Variants in RABGAP1L observed in about 807,000 individuals in gnomAD.
RABGAP1L encodes the protein RAB GTPase activating protein 1 like.
In RABGAP1L, 63 loss-of-function variants were observed where a neutral mutation model predicts 137.7. The ratio of observed to expected loss-of-function variants is 0.46; its 90% CI spans 0.37 to 0.56. RABGAP1L has a LOEUF of 0.56. Among genes scored for constraint, RABGAP1L ranks in the 20% least tolerant of loss-of-function variants. RABGAP1L has a pLI of 0.00. For synonymous variants in RABGAP1L, 431 were observed against 433.7 expected (o/e 0.99, Z 0.08); for missense variants, 1,095 against 1,244.0 (o/e 0.88, Z 1.80).
intron 21 of RABGAP1L, among the ~76,000 whole-genome samples, chr1:174,973,208 A>G (rs1222160723): frequency 6.6e-6 from 1 of 152,228 alleles, no homozygotes; most frequent in Non-Finnish European, 1.5e-5. Flanking sequence ...CAGATGTTGT[A>G]TATGGTAACA....
intron 13 of RABGAP1L, among the ~76,000 whole-genome samples, chr1:174,570,972 T>A (rs1230780803): frequency 6.6e-6 from 1 of 152,248 alleles, no homozygotes; most frequent in African/African-American, 2.4e-5. Flanking sequence ...TGCACTTCCA[T>A]GTTTGTTGCA....
chr1:174,833,866 A>G (rs1692445068), intron 19 of RABGAP1L, among the ~76,000 whole-genome samples: 1 of 152,152 alleles, frequency 6.6e-6, no homozygotes, highest in Non-Finnish European at 1.5e-5. Context: ...AAGCTAACTT[A>G]GATTGAGGAA....
intron 17 of RABGAP1L, among the ~76,000 whole-genome samples, chr1:174,717,138 A>G (rs1339347082): frequency 6.6e-6 from 1 of 152,184 alleles, no homozygotes; most frequent in Middle Eastern, 3.2e-3. Context: ...GGCCAGGTGC[A>G]GTGGCTCAGG....
rs1402072564 is a variant in RABGAP1L at position 174,663,353 on chromosome 1, A to G, written c.1825-20169A>G. Among the ~76,000 whole-genome samples the G allele has an allele frequency of 3.9e-5, 6 of 152,238 alleles. No individual in the cohort carries two copies. The East Asian group carries it at 9.6e-4, about 24-fold the overall frequency. Reference sequence around the variant, plus strand: ...ACATGGTTTCTTGTAGCAGCCCAGTAAAGAATTGCCTACTATTCAGTCCAT... The same window carrying G: ...ACATGGTTTCTTGTAGCAGCCCAGTGAAGAATTGCCTACTATTCAGTCCAT... On this transcript the variant is annotated intron_variant, in intron 14 of 25. Transcript: ENST00000681986.
intron 19 of RABGAP1L, among the ~76,000 whole-genome samples, chr1:174,872,335 A>G (rs963938141): frequency 6.6e-6 from 1 of 151,976 alleles, no homozygotes. Flanking sequence ...TTCTTTTCCC[A>G]TTGTAAAAAC....
At position 174,490,780 on chromosome 1, in the gene RABGAP1L, C is replaced by T. The variant is rs189086335; in HGVS notation, c.1710+96635C>T. ...TTGTACTGTGCCTGAGCCTAAGCCA[C>T]GAGTCACGGTTTTTCCCGTTCTTCC... On this transcript the variant is annotated intron_variant, in intron 13 of 25. Transcript: ENST00000681986. 7.9e-5 allele frequency among the ~76,000 whole-genome samples: 12 copies of T among 152,184 alleles called. No individual in the cohort carries two copies. The East Asian group carries it at 1.7e-3, about 22-fold the overall frequency.
chr1:174,380,736 C>G (rs1205238704), intron 12 of RABGAP1L, among the ~76,000 whole-genome samples: 1 of 122,000 alleles, frequency 8.2e-6, no homozygotes, highest in African/African-American at 3.2e-5. Context: ...TTTCAAAAAA[C>G]CAGCTCCTGG....
intron 3 of RABGAP1L, among the ~76,000 whole-genome samples, chr1:174,229,884 C>T (rs1307894077): frequency 6.6e-6 from 1 of 152,184 alleles, no homozygotes; most frequent in Non-Finnish European, 1.5e-5. Flanking sequence ...GTCCCGCCAA[C>T]AGTGTAAAAG....
chr1:174,927,031 C>T (rs1662952039), intron 19 of RABGAP1L, among the ~76,000 whole-genome samples: 1 of 151,598 alleles, frequency 6.6e-6, no homozygotes, highest in Admixed American at 6.6e-5. Flanking sequence ...TGAGATTGCA[C>T]CACTGCACTC....
chr1:174,883,138 T>TA (rs1654521395), intron 19 of RABGAP1L, among the ~76,000 whole-genome samples: 1 of 152,168 alleles, frequency 6.6e-6, no homozygotes, highest in Admixed American at 6.6e-5. Context: ...CTGGGGGTTT[T>TA]AAAGTTACAC....
intron 1 of RABGAP1L, among the ~76,000 whole-genome samples, chr1:174,178,227 A>C (rs1168315994): frequency 6.6e-6 from 1 of 151,952 alleles, no homozygotes; most frequent in Non-Finnish European, 1.5e-5. Flanking sequence ...TAGTTATTTT[A>C]TTCTCTTTGT....
At position 174,506,501 on chromosome 1, in the gene RABGAP1L, G is replaced by C. The variant is rs539377828; in HGVS notation, c.1710+112356G>C. 1.1e-4 allele frequency among the ~76,000 whole-genome samples: 16 copies of C among 152,264 alleles called. No individual in the cohort carries two copies. In the East Asian group the frequency reaches 1.9e-3, roughly 18 times the overall value. On this transcript the variant is annotated intron_variant, in intron 13 of 25. Transcript: ENST00000681986. The stretch of plus-strand genomic sequence containing the variant: ...AAATACAAAAATCAGTTGTGTTTCT[G>C]TGCAGTAACAAGGAACTGTTTGACA...
chr1:174,948,697 A>G (rs1667274447), intron 19 of RABGAP1L: 1 of 152,126 alleles, frequency 6.6e-6, no homozygotes, highest in South Asian at 2.1e-4. Context: ...TAAGATTAAA[A>G]AAAAGATAAA....
At chr1:174,893,626 C>T (rs1656637828) in intron 19 of RABGAP1L, among the ~76,000 whole-genome samples, 1 of 152,180 alleles carries the variant, frequency 6.6e-6, no homozygotes, top group African/African-American at 2.4e-5. Context: ...CTTTGAGGGC[C>T]TCACTACAAG....
intron 1 of RABGAP1L, among the ~76,000 whole-genome samples, chr1:174,200,040 A>T (rs1012001399): frequency 6.6e-6 from 1 of 152,244 alleles, no homozygotes; most frequent in Non-Finnish European, 1.5e-5. Context: ...GTTTTCATTA[A>T]GATTTGAGAT....
chr1:174,295,003 C>CT (rs1057429210), intron 10 of RABGAP1L, among the ~76,000 whole-genome samples: 9 of 152,034 alleles, frequency 5.9e-5, no homozygotes, highest in African/African-American at 2.2e-4. Flanking sequence ...ACTGCAACCT[C>CT]TGTTTCCCAG....
rs1680645190 is a variant in RABGAP1L, at chr1:174,327,988, T to TATATATATATATATATATATATACACAC, written c.1465+22884_1465+22885insCACACATATATATATATATATATATATA. Among the ~76,000 whole-genome samples the TATATATATATATATATATATATACACAC allele has an allele frequency of 3.1e-4, 7 of 22,796 alleles. No homozygotes were observed. In the South Asian group the frequency reaches 0.01, roughly 34 times the overall value. 15.0% of individuals were successfully genotyped at this position (22,796 alleles called of 152,430 possible). On this transcript the variant is annotated intron_variant, in intron 11 of 25. Coordinates refer to ENST00000681986, the MANE Select transcript of RABGAP1L (RefSeq NM_001366446.1). ...ATATATATATATATATACACACACA[T>TATATATATATATATATATATATACACAC]ATATATATATATATATATATATATA...
At chr1:174,777,398 G>C (rs1313891084) in intron 18 of RABGAP1L, among the ~76,000 whole-genome samples, 3 of 152,148 alleles carry the variant, frequency 2.0e-5, no homozygotes, top group African/African-American at 7.2e-5. Context: ...ATGTTCAACA[G>C]TACCCCTCAT....
intron 18 of RABGAP1L, among the ~76,000 whole-genome samples, chr1:174,779,230 A>G (rs1686766099): frequency 6.6e-6 from 1 of 152,204 alleles, no homozygotes; most frequent in Non-Finnish European, 1.5e-5. Context: ...TCTTTGTATA[A>G]TACTGAGCCT....
Sources: gnomAD v4.1 joint callset for allele counts (sites outside exome capture counted in the v4.1 genomes callset) on GRCh38, gnomAD v4.1.1 for gene constraint, MANE v1.5 for transcripts, NCBI Gene and HGNC (gene_info 2026-07-23, HGNC 2026-07-21) for gene names.